Variants in PCDH8 observed in about 807,000 individuals in gnomAD.
PCDH8 encodes protocadherin-8.
PCDH8 carries 36 observed loss-of-function variants against 58.2 expected under a neutral mutation model. The observed-to-expected ratio is 0.62, with a 90% CI of 0.47 to 0.82. PCDH8 has a LOEUF of 0.82. PCDH8 is among the 40% of genes least tolerant of loss of function. The pLI is 0.00. For synonymous variants in PCDH8, 775 were observed against 728.9 expected, an observed-to-expected ratio of 1.06 and a Z score of -1.02; for missense variants, 1,493 against 1,567.8, an observed-to-expected ratio of 0.95 and a Z score of 0.81.
At position 52,846,885 on chromosome 13, in the gene PCDH8, TG is replaced by T; in HGVS notation, c.1551del (p.Thr518ArgfsTer77). On this transcript the variant is annotated frameshift_variant, in exon 1 of 3. Transcript: ENST00000377942. LOFTEE classifies it high-confidence loss of function. ...AGGTCCCGGTCGCGGGCGGCCACCG[TG>T]GCCAGGTAGGCGCCTGGCGGGTTGT... ...RENNPPGAYL[A>X]TVAARDRDLG... The T allele has an allele frequency of 6.4e-7, 1 of 1,562,610 alleles. No individual in the cohort carries two copies.
rs1191118479 is a variant in PCDH8, at chr13:52,847,992, C to T, written c.445G>A (p.Ala149Thr). 5 of 1,610,236 alleles carry T rather than the reference C, an allele frequency of 3.1e-6. No individual in the cohort carries two copies. Among genetic ancestry groups the T allele is most frequent in the Admixed American group, 3.3e-5 (2 of 60,002 alleles). ...QIPVEVSEGA[A>T]VGTRIPLEVP... ...TCCAAGGGGATGCGCGTGCCCACTG[C>T]CGCACCCTCGGACACCTCTACCGGG... The change falls in exon 1 of 3, where the codon GCA becomes ACA. Residue 149 changes from alanine to threonine, a missense_variant. Physicochemically the swap from Ala to Thr is moderately conservative, Grantham distance 58. Coordinates refer to ENST00000377942, the MANE Select transcript of PCDH8 (RefSeq NM_002590.4).
chr13:52,847,332 G>C lies in PCDH8; in HGVS notation c.1105C>G (p.Pro369Ala). Residue 369 changes from proline to alanine, a missense_variant, in exon 1 of 3, where the codon CCC (proline) becomes GCC (alanine). This residue lies in a region of PCDH8 where 1,307 missense variants were observed against 1,362.7 expected (regional missense o/e 0.96). Coordinates refer to ENST00000377942, the MANE Select transcript of PCDH8 (RefSeq NM_002590.4). ...LAAPGAPATS[P>A]FAAAAAAAAL... is the part of the protein sequence containing the mutation. ...GCGGCGGCGGCGGCAGCGGCGAAGGGTGAGGTTGCCGGCGCGCCTGGGGCG... is the reference window on the plus strand; with the variant it reads ...GCGGCGGCGGCGGCAGCGGCGAAGGCTGAGGTTGCCGGCGCGCCTGGGGCG... 6.9e-7 allele frequency: 1 copy of C among 1,450,204 alleles called. No homozygotes were observed. Among genetic ancestry groups the C allele is most frequent in the South Asian group, 1.4e-5 (1 of 69,402 alleles). 89.8% of individuals were successfully genotyped at this position (1,450,204 alleles called of 1,614,324 possible).
Position 52,844,565 on chromosome 13 carries a change from C to T in PCDH8, c.3208G>A (p.Val1070Met), listed in dbSNP as rs778424589. ...TGAAGACATGCAGCATGGGATTACA[C>T]ATTTTCATTGGCTCCCTTCTTCGGG... ...LSPKKGANEN[V>M] The change falls in exon 3 of 3, where the codon GTG becomes ATG. Residue 1070 changes from valine (V) to methionine (M), a missense_variant. Val to Met is a conservative substitution (Grantham distance 21). Coordinates refer to ENST00000377942, the MANE Select transcript of PCDH8 (RefSeq NM_002590.4). 1.3e-6 allele frequency: 2 copies of T among 1,585,026 alleles called. No homozygotes were observed. Among genetic ancestry groups the T allele is most frequent in the South Asian group, 1.2e-5 (1 of 85,312 alleles).
Position 52,846,776 on chromosome 13 carries a change from A to T in PCDH8, c.1661T>A (p.Val554Glu). The T allele has an allele frequency of 6.4e-7, 1 of 1,570,484 alleles. No homozygotes were observed. Among genetic ancestry groups the T allele is most frequent in the Non-Finnish European group, 8.6e-7 (1 of 1,165,628 alleles). ...GTAGATGGCTCCGGTAGCTGGGTCC[A>T]CCGAGACATAAGTGGACACGGCGCC... is the stretch of plus-strand genomic sequence containing the variant. ...AGGAVSTYVS[V>E]DPATGAIYAL... Residue 554 changes from valine to glutamate, a missense_variant, in exon 1 of 3, where the codon GTG (valine) becomes GAG (glutamate). By Grantham distance (121) the Val-to-Glu change is moderately radical (BLOSUM62 -2). Coordinates refer to ENST00000377942, the MANE Select transcript of PCDH8 (RefSeq NM_002590.4).
In PCDH8 at chr13:52,846,682, G is replaced by T; in HGVS notation, c.1755C>A (p.Gly585=). The T allele has an allele frequency of 6.2e-7, 1 of 1,600,404 alleles. No homozygotes were observed. ...GGGCGCTGCTGGAAAGCTGAGGGGA[G>T]CCGCCGTCGCTAGCTTGGATGCGAA... ...LDVRIQASDG[G]SPQLSSSALV... Residue 585 remains glycine, a synonymous_variant, in exon 1 of 3, where the codon GGC becomes GGA. Transcript: ENST00000377942.
rs931265961 is a variant in PCDH8, at chr13:52,843,531, T to C, written c.*1029A>G. 6 of 152,188 alleles carry C rather than the reference T, an allele frequency of 3.9e-5. No individual in the cohort carries two copies. The highest frequency in any genetic ancestry group is 8.8e-5 in the Non-Finnish European group (6 of 68,034). The allele number at this position is 152,188 out of a possible 1,614,324, so 9.4% of individuals were successfully genotyped here. On this transcript the variant is annotated 3_prime_UTR_variant, in exon 3 of 3. Transcript: ENST00000377942. Reference sequence around the variant, plus strand: ...CCTATTATATTCCAAAAGACTAAGATGTTAGTCTTTTTGATACTAACACCC... The same window carrying C: ...CCTATTATATTCCAAAAGACTAAGACGTTAGTCTTTTTGATACTAACACCC...
intron 1 of PCDH8, 68 bp from the exon 2 acceptor site, chr13:52,845,700 C>T: frequency 6.4e-7 from 1 of 1,563,754 alleles, no homozygotes; most frequent in South Asian, 1.1e-5. Flanking sequence ...AAAACAAGTG[C>T]GACAGGTTGT....
At chr13:52,845,705 G>T in intron 1 of PCDH8, 73 bp from the exon 2 acceptor site, 2 of 1,555,144 alleles carry the variant, frequency 1.3e-6, no homozygotes, top group Non-Finnish European at 1.7e-6. Context: ...AAGTGCGACA[G>T]GTTGTCTACC....
At position 52,848,197 on chromosome 13, in the gene PCDH8, G is replaced by T; in HGVS notation, c.240C>A (p.Asp80Glu). The change falls in exon 1 of 3, where the codon GAC becomes GAA. Residue 80 changes from aspartate to glutamate, a missense_variant. By Grantham distance (45) the Asp-to-Glu change is conservative. This residue lies in a region of PCDH8 where 1,307 missense variants were observed against 1,362.7 expected (regional missense o/e 0.96). Coordinates refer to ENST00000377942, the MANE Select transcript of PCDH8 (RefSeq NM_002590.4). ...CGGCGTCCCCGACGGTCAGCTGCCC[G>T]TCGCCTTCGCGCACCCGGAGCAGAG... is the stretch of plus-strand genomic sequence containing the variant. The part of the protein sequence containing the change: ...NSSLLRVREG[D>E]GQLTVGDAGL... The T allele has an allele frequency of 1.2e-6, 2 of 1,612,714 alleles. No homozygotes were observed. The highest frequency in any genetic ancestry group is 1.7e-6 in the Non-Finnish European group (2 of 1,179,610).
At chr13:52,845,660 T>C in intron 1 of PCDH8, 28 bp from the exon 2 acceptor site, 1 of 1,609,542 alleles carries the variant, frequency 6.2e-7, no homozygotes, top group Non-Finnish European at 8.5e-7. Flanking sequence ...GGAATGGGAG[T>C]GGGGGGAGGG....
chr13:52,847,578 C>A lies in PCDH8; in HGVS notation c.859G>T (p.Ala287Ser), dbSNP rs1463213370. 4 of 1,559,156 alleles carry A rather than the reference C, an allele frequency of 2.6e-6. No homozygotes were observed. In the Admixed American group the frequency reaches 5.6e-5, roughly 22 times the overall value. The change falls in exon 1 of 3, where the codon GCC (alanine) becomes TCC (serine). Residue 287 changes from alanine to serine, a missense_variant. By Grantham distance (99) the Ala-to-Ser change is moderately conservative. Around this residue, in one of 3 missense-constraint regions of PCDH8, gnomAD observed 1,307 missense variants for 1,362.7 expected, o/e 0.96. Transcript: ENST00000377942. ...PNGDVVFAFG[A>S]RTPPEARRLF... ...CGGCGCGCCTCCGGCGGGGTGCGGG[C>A]GCCAAATGCGAACACCACGTCGCCG... is the stretch of plus-strand genomic sequence containing the variant.
At position 52,848,544 on chromosome 13, in the gene PCDH8, G is replaced by T; in HGVS notation, c.-108C>A. 8 of 1,445,086 alleles carry T rather than the reference G, an allele frequency of 5.5e-6. No individual in the cohort carries two copies. Among genetic ancestry groups the T allele is most frequent in the Non-Finnish European group, 7.2e-6 (8 of 1,103,578 alleles). 89.5% of individuals were successfully genotyped at this position (1,445,086 alleles called of 1,614,324 possible). ...ATCACGCTCTTTGCGAGCCCTGTGC[G>T]GGAGAAGTCTGCGGGTAGCAGCTCC... On this transcript the variant is annotated 5_prime_UTR_variant, in exon 1 of 3. Coordinates refer to ENST00000377942, the MANE Select transcript of PCDH8 (RefSeq NM_002590.4).
Position 52,846,960 on chromosome 13 carries a change from TGTCGTTCTCGTCGCC to T in PCDH8, c.1462_1476del (p.Gly488_Asp492del). The T allele has an allele frequency of 6.3e-7, 1 of 1,596,426 alleles. No individual in the cohort carries two copies. Among genetic ancestry groups the T allele is most frequent in the Non-Finnish European group, 8.5e-7 (1 of 1,174,484 alleles). ...ACCGGCCGCGTGAAGAGCGGCGCGT[TGTCGTTCTCGTCGCC>T]CACACGCACCGTGTAGGGCCGCACT... On this transcript the variant is annotated inframe_deletion, in exon 1 of 3. Coordinates refer to ENST00000377942, the MANE Select transcript of PCDH8 (RefSeq NM_002590.4).
In PCDH8 at chr13:52,848,594, G is replaced by C. The variant is rs1965782182; in HGVS notation, c.-158C>G. 1.5e-6 allele frequency: 2 copies of C among 1,356,160 alleles called. No homozygotes were observed. The highest frequency in any genetic ancestry group is 1.9e-6 in the Non-Finnish European group (2 of 1,034,762). The allele number at this position is 1,356,160 out of a possible 1,614,324, so 84.0% of individuals were successfully genotyped here. A position where few individuals can be genotyped will look rare whatever the true frequency, so the allele number is the denominator to read the frequency against. On this transcript the variant is annotated 5_prime_UTR_variant, in exon 1 of 3. Coordinates refer to ENST00000377942, the MANE Select transcript of PCDH8 (RefSeq NM_002590.4). ...CGAGCCTCCAGCGGGCTCTGAGGAC[G>C]CGCGGACCCGCCCTCACTCTGCGCC...
rs1164684608 is a variant in PCDH8 at position 52,846,107 on chromosome 13, C to A, written c.2330G>T (p.Arg777Leu). The A allele has an allele frequency of 1.3e-6, 2 of 1,579,952 alleles. No individual in the cohort carries two copies. Among genetic ancestry groups the A allele is most frequent in the East Asian group, 2.4e-5 (1 of 42,132 alleles). Reference sequence around the variant, plus strand: ...CCCCCCTTTGCGCACCTCCTTCTTGCGGCGGTTGCAGGTGGTGGCGATGGC... The same window carrying A: ...CCCCCCTTTGCGCACCTCCTTCTTGAGGCGGTTGCAGGTGGTGGCGATGGC... ...IIAIATTCNR[R>L]KKEVRKGGAL... is the part of the protein sequence containing the mutation. The change falls in exon 1 of 3, where the codon CGC (arginine) becomes CTC (leucine). Residue 777 changes from arginine (R) to leucine (L), a missense_variant. Transcript: ENST00000377942.
At position 52,847,303 on chromosome 13, in the gene PCDH8, T is replaced by G; in HGVS notation, c.1134A>C (p.Ala378=). 3 of 1,403,496 alleles carry G rather than the reference T, an allele frequency of 2.1e-6. No individual in the cohort carries two copies. The highest frequency in any genetic ancestry group is 2.8e-6 in the Non-Finnish European group (3 of 1,085,284). The allele number at this position is 1,403,496 out of a possible 1,614,324, so 86.9% of individuals were successfully genotyped here. ...SPFAAAAAAA[A]LGGADASSPA... ...GCGAGCTAGCGTCCGCTCCCCCGAG[T>G]GCAGCGGCGGCGGCGGCAGCGGCGA... Residue 378 remains alanine, a synonymous_variant, in exon 1 of 3, where the codon GCA becomes GCC. Coordinates refer to ENST00000377942, the MANE Select transcript of PCDH8 (RefSeq NM_002590.4).
At position 52,846,480 on chromosome 13, in the gene PCDH8, G is replaced by A; in HGVS notation, c.1957C>T (p.Leu653=). The A allele has an allele frequency of 6.3e-7, 1 of 1,598,238 alleles. No individual in the cohort carries two copies. The highest frequency in any genetic ancestry group is 2.2e-5 in the East Asian group (1 of 44,802). Reference sequence around the variant, plus strand: ...GCTTCGCGCGGCTCCTGCTGCTGCAGCTCGAACGCCAGCTCCCCGTTGGCT... The same window carrying A: ...GCTTCGCGCGGCTCCTGCTGCTGCAACTCGAACGCCAGCTCCCCGTTGGCT... The part of the protein sequence containing the change: ...EGANGELAFE[L]QQQEPREAFA... Residue 653 remains leucine (L), a synonymous_variant, in exon 1 of 3, where the codon CTG becomes TTG. Coordinates refer to ENST00000377942, the MANE Select transcript of PCDH8 (RefSeq NM_002590.4).
rs778924290 is a variant in PCDH8 at position 52,847,398 on chromosome 13, C to A, written c.1039G>T (p.Val347Phe). The A allele has an allele frequency of 1.3e-6, 2 of 1,561,514 alleles. No individual in the cohort carries two copies. The highest frequency in any genetic ancestry group is 2.5e-5 in the East Asian group (1 of 40,310). ...GCGATGTCGGGTGCGTTGTCATTGA[C>A]GTCTCGGATGCGCACGATGACCTTG... ...TCKVIVRIRD[V>F]NDNAPDIAIT... The change falls in exon 1 of 3, where the codon GTC (valine) becomes TTC (phenylalanine). Residue 347 changes from valine to phenylalanine, a missense_variant. Val to Phe is a conservative substitution (Grantham distance 50). Coordinates refer to ENST00000377942, the MANE Select transcript of PCDH8 (RefSeq NM_002590.4).
At position 52,848,396 on chromosome 13, in the gene PCDH8, G is replaced by C; in HGVS notation, c.41C>G (p.Pro14Arg). Residue 14 changes from proline (P) to arginine (R), a missense_variant, in exon 1 of 3, where the codon CCC becomes CGC. By Grantham distance (103) the Pro-to-Arg change is moderately radical. This residue lies in a region of PCDH8 where 1,307 missense variants were observed against 1,362.7 expected (regional missense o/e 0.96). Coordinates refer to ENST00000377942, the MANE Select transcript of PCDH8 (RefSeq NM_002590.4). Reference sequence around the variant, plus strand: ...CCAGCAGAGGCTGAAGAGCTGCAAGGGGAAAAGGCAGGGGCTGCCCCAACG... The same window carrying C: ...CCAGCAGAGGCTGAAGAGCTGCAAGCGGAAAAGGCAGGGGCTGCCCCAACG... ...VRRWGSPCLF[P>R]LQLFSLCWVL... is the part of the protein sequence containing the mutation. 1 of 1,610,830 alleles carries C rather than the reference G, an allele frequency of 6.2e-7. No individual in the cohort carries two copies. Among genetic ancestry groups the C allele is most frequent in the Non-Finnish European group, 8.5e-7 (1 of 1,179,824 alleles).
Sources: allele counts gnomAD v4.1 joint callset, GRCh38; gene constraint gnomAD v4.1.1; regional missense constraint gnomAD v4.1.1; transcripts MANE v1.5; gene names NCBI Gene and HGNC (gene_info 2026-07-23, HGNC 2026-07-21).